The following FHIT variants were observed in gnomAD, a reference collection of about 807,000 sequenced individuals.
FHIT encodes the protein fragile histidine triad diadenosine triphosphatase.
FHIT carries 19 observed loss-of-function variants against 17.9 expected under a neutral mutation model. The ratio of observed to expected loss-of-function variants is 1.06; its 90% CI spans 0.74 to 1.56. The LOEUF is 1.56. FHIT is among the 40% of genes most tolerant of loss of function. The pLI, the probability that FHIT is intolerant of heterozygous loss-of-function variation, is 0.00. For synonymous variants in FHIT, 81 were observed against 69.7 expected (o/e 1.16, Z -0.81); for missense variants, 248 against 189.2 (o/e 1.31, Z -1.82).
At chr3:60,211,171 C>T (rs1246721535) in intron 5 of FHIT, among the ~76,000 whole-genome samples, 3 of 147,704 alleles carry the variant, frequency 2.0e-5, no homozygotes, top group South Asian at 2.1e-4. Context: ...TTCTAAAGAA[C>T]GAAAGAAAGT....
intron 5 of FHIT, among the ~76,000 whole-genome samples, chr3:60,237,174 G>C (rs544101041): frequency 6.6e-6 from 1 of 151,872 alleles, no homozygotes; most frequent in East Asian, 1.9e-4. Context: ...AGGTTGAAGG[G>C]TATGCACAGA....
intron 5 of FHIT, among the ~76,000 whole-genome samples, chr3:60,200,558 C>T (rs1266587006): frequency 2.0e-5 from 3 of 151,952 alleles, no homozygotes; most frequent in African/African-American, 7.3e-5. Context: ...GGATCCTCTT[C>T]TAACAAGGTC....
intron 3 of FHIT, among the ~76,000 whole-genome samples, chr3:60,886,088 T>G (rs145885484): frequency 2.6e-5 from 4 of 152,224 alleles, no homozygotes; most frequent in African/African-American, 9.6e-5. Flanking sequence ...AAACACATCT[T>G]TGCCTTAATA....
intron 5 of FHIT, among the ~76,000 whole-genome samples, chr3:60,312,525 C>G (rs1293909710): frequency 6.6e-6 from 1 of 152,128 alleles, no homozygotes; most frequent in Non-Finnish European, 1.5e-5. Flanking sequence ...AGTGGTCATT[C>G]TACCAGGAAA....
intron 4 of FHIT, among the ~76,000 whole-genome samples, chr3:60,542,549 A>C (rs369305625): frequency 2.8e-4 from 43 of 152,132 alleles, no homozygotes; most frequent in African/African-American, 1.0e-3. Context: ...ATGTGTGTGT[A>C]TATGCATGTT....
chr3:60,842,044 C>T (rs1702739270), intron 3 of FHIT, among the ~76,000 whole-genome samples: 1 of 152,124 alleles, frequency 6.6e-6, no homozygotes, highest in South Asian at 2.1e-4. Context: ...TCCAAGGACG[C>T]TCCGAGGGCC....
At chr3:60,067,817 G>C (rs1702585191) in intron 5 of FHIT, among the ~76,000 whole-genome samples, 1 of 152,190 alleles carries the variant, frequency 6.6e-6, no homozygotes, top group South Asian at 2.1e-4. Context: ...GCACGTTCTT[G>C]TCGCTGCCTA....
intron 3 of FHIT, among the ~76,000 whole-genome samples, chr3:60,878,533 C>G (rs188104854): frequency 1.3e-5 from 2 of 151,638 alleles, no homozygotes; most frequent in Non-Finnish European, 2.9e-5. Context: ...GGTACATGTG[C>G]ACAATGTGCA....
At chr3:60,638,046 T>G (rs2039633119) in intron 4 of FHIT, among the ~76,000 whole-genome samples, 1 of 152,150 alleles carries the variant, frequency 6.6e-6, no homozygotes, top group South Asian at 2.1e-4. Context: ...AGTGGTAGAA[T>G]GAAATAGATC....
intron 4 of FHIT, among the ~76,000 whole-genome samples, chr3:60,619,145 C>T (rs1202303657): frequency 6.6e-6 from 1 of 152,118 alleles, no homozygotes; most frequent in African/African-American, 2.4e-5. Flanking sequence ...TCACAAAATA[C>T]AATCCTTTAG....
At chr3:60,703,995 T>A (rs1018045241) in intron 4 of FHIT, among the ~76,000 whole-genome samples, 16 of 150,650 alleles carry the variant, frequency 1.1e-4, no homozygotes, top group South Asian at 4.1e-4. Context: ...AAATTTTTTT[T>A]TAAAAAAAAT....
At chr3:60,261,099 G>A (rs1706272195) in intron 5 of FHIT, among the ~76,000 whole-genome samples, 1 of 152,008 alleles carries the variant, frequency 6.6e-6, no homozygotes, top group Non-Finnish European at 1.5e-5. Context: ...AGCCCAAACT[G>A]CTTTCCAAAT....
At chr3:60,518,095 TA>T (rs1423975698) in intron 5 of FHIT, among the ~76,000 whole-genome samples, 5 of 152,172 alleles carry the variant, frequency 3.3e-5, no homozygotes, top group African/African-American at 1.2e-4. Context: ...CACAAATATT[TA>T]ATCTCAGGAT....
At chr3:60,522,004 G>A (rs1187204111) in intron 5 of FHIT, among the ~76,000 whole-genome samples, 2 of 152,200 alleles carry the variant, frequency 1.3e-5, no homozygotes, top group Non-Finnish European at 2.9e-5. Context: ...GAATTGAAAG[G>A]AGGAAAACCA....
intron 3 of FHIT, among the ~76,000 whole-genome samples, chr3:60,860,441 GTATATATGATACATATGT>G (rs1703667517): frequency 4.1e-5 from 5 of 121,634 alleles, no homozygotes; most frequent in African/African-American, 9.4e-5. Context: ...TATATATCAT[GTATATATGATACATATGT>G]ACATATATAT....
rs536100267 is a variant in FHIT at position 60,550,661 on chromosome 3, T to C, written c.-17-13682A>G. On this transcript the variant is annotated intron_variant, in intron 4 of 9. Transcript: ENST00000492590. ...TTGTTTTACATATTTAACCTCATTC[T>C]CACCAGTTTCTTCCCTGTCTCCTAA... is the stretch of plus-strand genomic sequence containing the variant. Among the ~76,000 whole-genome samples the C allele has an allele frequency of 9.2e-5, 14 of 151,966 alleles. No homozygotes were observed. In the South Asian group the frequency reaches 2.9e-3, roughly 32 times the overall value.
intron 3 of FHIT, among the ~76,000 whole-genome samples, chr3:60,966,057 C>T (rs1183725153): frequency 2.0e-5 from 3 of 152,176 alleles, no homozygotes; most frequent in Admixed American, 6.5e-5. Context: ...CAGAGGCAGG[C>T]AGGCCTCCTT....
intron 4 of FHIT, among the ~76,000 whole-genome samples, chr3:60,610,215 T>C (rs1471942145): frequency 6.6e-6 from 1 of 152,214 alleles, no homozygotes; most frequent in Non-Finnish European, 1.5e-5. Context: ...TGCCTTTTTA[T>C]TGCCAAGGGT....
chr3:60,209,229 T>C (rs1008518812), intron 5 of FHIT, among the ~76,000 whole-genome samples: 2 of 152,152 alleles, frequency 1.3e-5, no homozygotes, highest in African/African-American at 4.8e-5. Context: ...CAAACCAAAC[T>C]ACTTGGTTTA....
Sources: gnomAD v4.1 joint callset for allele counts (sites outside exome capture counted in the v4.1 genomes callset) on GRCh38, gnomAD v4.1.1 for gene constraint, MANE v1.5 for transcripts, NCBI Gene and HGNC (gene_info 2026-07-23, HGNC 2026-07-21) for gene names.